TNRC6C: variants seen among roughly 807,000 people sequenced by gnomAD.
TNRC6C encodes the protein trinucleotide repeat containing adaptor 6C.
Under a neutral mutation model 153.7 loss-of-function variants are expected in TNRC6C, and 20 were observed. That is an observed-to-expected ratio of 0.13 (90% CI 0.09 to 0.19). The LOEUF (loss-of-function observed/expected upper bound fraction) is 0.19, where lower values mean the gene tolerates loss of function less well. TNRC6C is among the 10% of genes least tolerant of loss of function. The probability of loss-of-function intolerance (pLI) is 1.00; values close to 1 mark genes in which losing one functional copy is unlikely to be tolerated. For synonymous variants in TNRC6C, 811 were observed against 841.4 expected, an observed-to-expected ratio of 0.96 and a Z score of 0.63; for missense variants, 1,987 against 2,172.0, an observed-to-expected ratio of 0.91 and a Z score of 1.69.
chr17:78,029,541 T>G (rs1377341511), intron 1 of TNRC6C, among the ~76,000 whole-genome samples: 1 of 152,226 alleles, frequency 6.6e-6, no homozygotes, highest in African/African-American at 2.4e-5. Flanking sequence ...GAAGTTGCTC[T>G]GAGGAGTCAG....
At position 78,079,447 on chromosome 17, in the gene TNRC6C, G is replaced by C; in HGVS notation, c.3263G>C (p.Arg1088Thr). The C allele has an allele frequency of 6.2e-7, 1 of 1,613,938 alleles. No homozygotes were observed. The highest frequency in any genetic ancestry group is 8.5e-7 in the Non-Finnish European group (1 of 1,179,882). ...GGCAATAGTGGAGCAGCACAAGCCAGGACCATGCAGCAGCCGCCACAGCCA... is the reference window on the plus strand; with the variant it reads ...GGCAATAGTGGAGCAGCACAAGCCACGACCATGCAGCAGCCGCCACAGCCA... Residue 1088 changes from arginine to threonine, a missense_variant, in exon 10 of 20, where the codon AGG (arginine) becomes ACG (threonine). By Grantham distance (71) the Arg-to-Thr change is moderately conservative. Coordinates refer to ENST00000301624, the Ensembl canonical transcript of TNRC6C. This position sits in a 1 kb window ranked among gnomAD's most constrained non-coding sequence, Gnocchi z 4.3.
At chr17:78,067,886 G>C (rs1020154873) in exon 5 of TNRC6C, 3 of 1,613,114 alleles carry the variant, frequency 1.9e-6, no homozygotes, top group Non-Finnish European at 2.5e-6. Flanking sequence ...TCCTCCTGCA[G>C]CTCCTGGGGG....
At position 78,075,704 on chromosome 17, in the gene TNRC6C, G is replaced by A. The variant is rs894661968; in HGVS notation, c.3060+426G>A. On this transcript the variant is annotated intron_variant, in intron 8 of 19. Coordinates refer to ENST00000301624, the Ensembl canonical transcript of TNRC6C. The surrounding 1 kb of genome is among the most constrained non-coding windows in gnomAD (Gnocchi z 4.2). Reference sequence around the variant, plus strand: ...CATCTCTGGCTGGCCCTTGTCAGTTGGCCACATGAGTGACCACAGCTGGCA... The same window carrying A: ...CATCTCTGGCTGGCCCTTGTCAGTTAGCCACATGAGTGACCACAGCTGGCA... Among the ~76,000 whole-genome samples the A allele has an allele frequency of 6.6e-6, 1 of 152,162 alleles. No homozygotes were observed. The highest frequency in any genetic ancestry group is 1.5e-5 in the Non-Finnish European group (1 of 68,032).
At chr17:78,070,745 A>G (rs2072978218) in intron 5 of TNRC6C, among the ~76,000 whole-genome samples, 1 of 152,238 alleles carries the variant, frequency 6.6e-6, no homozygotes, top group African/African-American at 2.4e-5. Context: ...TAAACTTCAC[A>G]TAGGGCTGTG....
At chr17:78,035,905 A>G (rs1462331957) in intron 2 of TNRC6C, among the ~76,000 whole-genome samples, 3 of 152,202 alleles carry the variant, frequency 2.0e-5, no homozygotes, top group Non-Finnish European at 4.4e-5. Flanking sequence ...AAAGTAATAC[A>G]TAGATTTTCA....
In TNRC6C at chr17:78,093,982, CTT is replaced by C. The variant is rs11313921; in HGVS notation, c.4306+233_4306+234del. On this transcript the variant is annotated intron_variant, in intron 16 of 19. Coordinates refer to ENST00000301624, the Ensembl canonical transcript of TNRC6C. ...TCTGCTGGATTTTTTATTATTATTACTTTTTTTTTTTTTTTGCGATGAAGTCT... is the reference window on the plus strand; with the variant it reads ...TCTGCTGGATTTTTTATTATTATTACTTTTTTTTTTTTTGCGATGAAGTCT... Among the ~76,000 whole-genome samples, 577 of 141,238 alleles carry C rather than the reference CTT, an allele frequency of 4.1e-3. 2 individuals carry two copies. The highest frequency in any genetic ancestry group is 0.021 in the East Asian group (102 of 4,922). 92.7% of individuals were successfully genotyped at this position (141,238 alleles called of 152,430 possible).
chr17:78,012,429 T>G (rs1015640192), intron 1 of TNRC6C, among the ~76,000 whole-genome samples: 6 of 152,126 alleles, frequency 3.9e-5, no homozygotes, highest in African/African-American at 1.4e-4. Flanking sequence ...AATCTGTACA[T>G]CAAGCCCCCC....
intron 17 of TNRC6C, among the ~76,000 whole-genome samples, chr17:78,101,605 C>A (rs1279486328): frequency 6.6e-6 from 1 of 152,028 alleles, no homozygotes; most frequent in Non-Finnish European, 1.5e-5. Flanking sequence ...GAGCTGAGAG[C>A]CCTAAACAGA....
chr17:78,035,189 G>A (rs1223809893), intron 2 of TNRC6C, among the ~76,000 whole-genome samples: 1 of 152,090 alleles, frequency 6.6e-6, no homozygotes, highest in Non-Finnish European at 1.5e-5. Flanking sequence ...GGACTTTCAG[G>A]AACACTGTCC....
chr17:78,019,024 G>T (rs898944957), intron 1 of TNRC6C, among the ~76,000 whole-genome samples: 1 of 152,156 alleles, frequency 6.6e-6, no homozygotes, highest in Non-Finnish European at 1.5e-5. Context: ...GGCAGTGTCA[G>T]GCGGTCTGGA....
chr17:78,050,205 C>T (rs1386142844), exon 3 of TNRC6C: 1 of 1,539,746 alleles, frequency 6.5e-7, no homozygotes, highest in Admixed American at 2.0e-5. Context: ...GTGGTGAACA[C>T]ATGAACTCCT....
intron 2 of TNRC6C, among the ~76,000 whole-genome samples, chr17:78,045,721 A>AATT (rs1286201851): frequency 6.6e-6 from 1 of 152,232 alleles, no homozygotes; most frequent in Non-Finnish European, 1.5e-5. Context: ...CACCTTCAGA[A>AATT]ATTAGACACT....
chr17:77,987,254 T>G (rs894863066), intron 1 of TNRC6C, among the ~76,000 whole-genome samples: 7 of 152,200 alleles, frequency 4.6e-5, no homozygotes, highest in African/African-American at 1.7e-4. Context: ...TGGGGAAATA[T>G]GTTCATTAAT....
rs764398298 is a variant in TNRC6C, at chr17:78,049,334, A to C, written c.272A>C (p.Asn91Thr). ...AGTCAGAATTGCTGGGGTGCTTCCA[A>C]CTCCAATGCTGGCATTAATCTTAAC... is the stretch of plus-strand genomic sequence containing the variant. The change falls in exon 3 of 20, where the codon AAC (asparagine) becomes ACC (threonine). Residue 91 changes from asparagine to threonine, a missense_variant. Physicochemically the swap from Asn to Thr is moderately conservative, Grantham distance 65. Around this residue, in one of 4 missense-constraint regions of TNRC6C, gnomAD observed 1,052 missense variants for 1,017.0 expected, o/e 1.03. Coordinates refer to ENST00000301624, the Ensembl canonical transcript of TNRC6C. This position sits in a 1 kb window ranked among gnomAD's most constrained non-coding sequence, Gnocchi z 4.1. 3.1e-6 allele frequency: 5 copies of C among 1,613,924 alleles called. 1 individual carries two copies. In the South Asian group the frequency reaches 5.5e-5, roughly 18 times the overall value.
At chr17:78,059,084 C>T (rs894222933) in intron 3 of TNRC6C, among the ~76,000 whole-genome samples, 1 of 152,186 alleles carries the variant, frequency 6.6e-6, no homozygotes, top group African/African-American at 2.4e-5. Flanking sequence ...AGTGGCCTTC[C>T]TTCCAGACTC....
intron 1 of TNRC6C, among the ~76,000 whole-genome samples, chr17:78,017,805 G>C (rs1421114705): frequency 1.3e-5 from 2 of 152,130 alleles, no homozygotes; most frequent in African/African-American, 4.8e-5. Context: ...TCCATTTCAG[G>C]GCCTTCCCAT....
chr17:78,073,312 A>T (rs1285395422), intron 7 of TNRC6C, among the ~76,000 whole-genome samples: 1 of 152,232 alleles, frequency 6.6e-6, no homozygotes, highest in Non-Finnish European at 1.5e-5. Context: ...TATTTGAAGC[A>T]TGTTGGCTTT....
At chr17:77,975,091 ATTTCT>A (rs1251748066) in intron 1 of TNRC6C, among the ~76,000 whole-genome samples, 1 of 152,144 alleles carries the variant, frequency 6.6e-6, no homozygotes, top group East Asian at 1.9e-4. Flanking sequence ...GAGAAAAGAA[ATTTCT>A]TTAAGTCTCA....
chr17:77,968,115 C>G (rs2070912540), intron 1 of TNRC6C, among the ~76,000 whole-genome samples: 1 of 152,210 alleles, frequency 6.6e-6, no homozygotes, highest in African/African-American at 2.4e-5. Flanking sequence ...CTACTGCAAC[C>G]TCTGCCTCTC....
Sources: allele counts gnomAD v4.1 joint callset (sites outside exome capture counted in the v4.1 genomes callset), GRCh38; gene constraint gnomAD v4.1.1; regional missense constraint gnomAD v4.1.1; non-coding constraint Gnocchi (gnomAD v3.1); transcripts MANE v1.5; gene names NCBI Gene and HGNC (gene_info 2026-07-23, HGNC 2026-07-21).